The following RPA3 variants were observed in gnomAD, a reference collection of about 807,000 sequenced individuals.
RPA3 encodes the protein replication protein A3.
A neutral mutation model predicts 13.7 loss-of-function variants in RPA3; 24 were observed. That is an observed-to-expected ratio of 1.75 (90% CI 1.27 to 2.46). The LOEUF (loss-of-function observed/expected upper bound fraction) is 2.46, where lower values mean the gene tolerates loss of function less well. Among genes scored for constraint, RPA3 ranks in the 30% most tolerant of loss-of-function variants. The pLI, the probability that RPA3 is intolerant of heterozygous loss-of-function variation, is 0.00. For missense variants in RPA3, 183 were observed against 151.0 expected (o/e 1.21, Z -1.11); for synonymous variants, 59 against 51.2 (o/e 1.15, Z -0.65).
At chr7:7,674,820 T>G (rs1779699337) in intron 4 of RPA3, among the ~76,000 whole-genome samples, 1 of 152,156 alleles carries the variant, frequency 6.6e-6, no homozygotes, top group Non-Finnish European at 1.5e-5. Context: ...ACAGAAAACT[T>G]CAGGGGTACA....
chr7:7,718,343 C>G (rs1352033458), intron 1 of RPA3, among the ~76,000 whole-genome samples, 172 bp downstream of exon 1: 1 of 152,142 alleles, frequency 6.6e-6, no homozygotes, highest in African/African-American at 2.4e-5. Context: ...ATAGTGAGGG[C>G]ATGGGTTGTC....
chr7:7,641,122 G>T lies in RPA3; in HGVS notation c.-704C>A, dbSNP rs1784961461. The T allele has an allele frequency of 6.6e-6, 1 of 152,452 alleles. No homozygotes were observed. The highest frequency in any genetic ancestry group is 1.5e-5 in the Non-Finnish European group (1 of 68,120). The allele number at this position is 152,452 out of a possible 1,614,324, so 9.4% of individuals were successfully genotyped here. On this transcript the variant is annotated 5_prime_UTR_variant, in exon 5 of 8. Coordinates refer to ENST00000223129, the MANE Select transcript of RPA3 (RefSeq NM_002947.5). ...TTCAGGCTTTTGCCACTTGTTGGCT[G>T]AGGGTCGATTTACTCCCTTAGCTGC...
chr7:7,698,954 C>A (rs1360432390), intron 2 of RPA3, among the ~76,000 whole-genome samples: 1 of 150,212 alleles, frequency 6.7e-6, no homozygotes, highest in Non-Finnish European at 1.5e-5. Context: ...TCCCTGGGCT[C>A]AGTGATTCTC....
At chr7:7,659,306 C>T (rs888077480) in intron 4 of RPA3, among the ~76,000 whole-genome samples, 11 of 152,138 alleles carry the variant, frequency 7.2e-5, no homozygotes, top group Non-Finnish European at 1.2e-4. Context: ...CTATCTCCTT[C>T]ATTTTTGCTC....
chr7:7,705,496 T>C (rs1255326156), intron 2 of RPA3, among the ~76,000 whole-genome samples: 1 of 152,232 alleles, frequency 6.6e-6, no homozygotes, highest in Non-Finnish European at 1.5e-5. Context: ...ATATTCAGTG[T>C]GTTATTACAA....
chr7:7,709,398 G>A (rs900136561), intron 2 of RPA3, among the ~76,000 whole-genome samples: 2 of 152,226 alleles, frequency 1.3e-5, no homozygotes, highest in Non-Finnish European at 2.9e-5. Flanking sequence ...GATAAGTCCT[G>A]TGGATAAGCT....
rs199824126 is a variant in RPA3, at chr7:7,637,900, A to T, written c.247T>A (p.Ser83Thr). 13 of 1,613,584 alleles carry T rather than the reference A, an allele frequency of 8.1e-6. No individual in the cohort carries two copies. Among genetic ancestry groups the T allele is most frequent in the Non-Finnish European group, 1.1e-5 (13 of 1,179,678 alleles). The change falls in exon 7 of 8, where the codon TCT becomes ACT. Residue 83 changes from serine (S) to threonine (T), a missense_variant. Ser to Thr is a moderately conservative substitution (Grantham distance 58). Coordinates refer to ENST00000223129, the MANE Select transcript of RPA3 (RefSeq NM_002947.5). ...CTATCTTCTTTAAACTGGACATAAG[A>T]TGTACACAAGATGGTGGCCTTGGCG... ...VTAKATILCT[S>T]YVQFKEDSHP... is the part of the protein sequence containing the mutation.
chr7:7,653,867 A>G (rs944719352), intron 4 of RPA3, among the ~76,000 whole-genome samples: 4 of 152,222 alleles, frequency 2.6e-5, no homozygotes, highest in Admixed American at 2.6e-4. Context: ...GGTTAAAGCC[A>G]GAGATGGTGC....
chr7:7,678,749 AATAT>A (rs1191311808), intron 4 of RPA3, among the ~76,000 whole-genome samples: 25 of 112,246 alleles, frequency 2.2e-4, no homozygotes, highest in Admixed American at 2.8e-4. Flanking sequence ...TTAGTTTATA[AATAT>A]ATATTTATAT....
At chr7:7,659,118 G>A (rs1265737084) in intron 4 of RPA3, among the ~76,000 whole-genome samples, 2 of 152,110 alleles carry the variant, frequency 1.3e-5, no homozygotes, top group African/African-American at 2.4e-5. Flanking sequence ...TTCTCTGATG[G>A]TAGTTTGTAT....
chr7:7,682,720 C>T (rs930947038), intron 4 of RPA3, among the ~76,000 whole-genome samples: 2 of 152,200 alleles, frequency 1.3e-5, no homozygotes, highest in Non-Finnish European at 2.9e-5. Flanking sequence ...CTTACCCTAT[C>T]GCTGTCTCCT....
chr7:7,646,115 A>G (rs920215999), intron 4 of RPA3, among the ~76,000 whole-genome samples: 1 of 152,146 alleles, frequency 6.6e-6, no homozygotes, highest in Non-Finnish European at 1.5e-5. Flanking sequence ...CCGTCTGGGA[A>G]TGGCTTAAGT....
At chr7:7,691,689 T>C (rs1780175815) in intron 2 of RPA3, among the ~76,000 whole-genome samples, 1 of 152,240 alleles carries the variant, frequency 6.6e-6, no homozygotes, top group Non-Finnish European at 1.5e-5. Context: ...CTTTACATTT[T>C]AGTGACCCTT....
intron 4 of RPA3, among the ~76,000 whole-genome samples, chr7:7,649,127 C>T (rs1224827607): frequency 7.4e-6 from 1 of 134,324 alleles, no homozygotes; most frequent in Non-Finnish European, 1.5e-5. Flanking sequence ...CACTGCACTC[C>T]AGCCCGTGCG....
chr7:7,708,555 C>T (rs1780666098), intron 2 of RPA3, among the ~76,000 whole-genome samples: 1 of 152,168 alleles, frequency 6.6e-6, no homozygotes, highest in South Asian at 2.1e-4. Flanking sequence ...TGCTTTATAA[C>T]TTGAAACATT....
intron 2 of RPA3, among the ~76,000 whole-genome samples, chr7:7,713,703 A>AAAAATTCT (rs1780822615): frequency 6.6e-6 from 1 of 152,108 alleles, no homozygotes. Context: ...TTAAGCTTTT[A>AAAAATTCT]AAAATTCTAA....
intron 3 of RPA3, 89 bp from the exon 4 acceptor site, chr7:7,686,087 A>T (rs552833453): frequency 6.6e-6 from 1 of 152,328 alleles, no homozygotes; most frequent in South Asian, 2.1e-4. Flanking sequence ...GGAAGAGTTG[A>T]CTGTTTTACT....
chr7:7,677,446 A>G (rs930648291), intron 4 of RPA3, among the ~76,000 whole-genome samples: 5 of 151,752 alleles, frequency 3.3e-5, no homozygotes, highest in Non-Finnish European at 2.9e-5. Flanking sequence ...TCTATTCTCT[A>G]TCTCCATGAG....
At chr7:7,705,867 G>T (rs1225035414) in intron 2 of RPA3, among the ~76,000 whole-genome samples, 1 of 152,136 alleles carries the variant, frequency 6.6e-6, no homozygotes, top group Non-Finnish European at 1.5e-5. Context: ...GGTTGTAAAT[G>T]GGGGAGGGTG....
Sources: gnomAD v4.1 joint callset for allele counts (sites outside exome capture counted in the v4.1 genomes callset) on GRCh38, gnomAD v4.1.1 for gene constraint, MANE v1.5 for transcripts, NCBI Gene and HGNC (gene_info 2026-07-23, HGNC 2026-07-21) for gene names.